The following KIF4B variants were observed in gnomAD, a reference collection of about 807,000 sequenced individuals.
KIF4B encodes the protein chromosome-associated kinesin KIF4B.
KIF4B carries 60 observed loss-of-function variants against 69.0 expected under a neutral mutation model. The ratio of observed to expected loss-of-function variants is 0.87; its 90% confidence interval spans 0.71 to 1.08. The LOEUF is 1.08. KIF4B is among the 50% of genes least tolerant of loss of function. The pLI, the probability that KIF4B is intolerant of heterozygous loss-of-function variation, is 0.00. For missense variants in KIF4B, 1,357 were observed against 1,451.9 expected (o/e 0.93, Z 1.06); for synonymous variants, 489 against 533.0 (o/e 0.92, Z 1.14).
chr5:155,013,928 G>A lies in KIF4B; in HGVS notation c.69G>A (p.Glu23=). 6.2e-7 allele frequency: 1 copy of A among 1,614,272 alleles called. No homozygotes were observed. Among genetic ancestry groups the A allele is most frequent in the Non-Finnish European group, 8.5e-7 (1 of 1,180,054 alleles). Residue 23 remains glutamate (E), a synonymous_variant, in exon 1 of 1, where the codon GAG becomes GAA. Transcript: ENST00000435029. ...GTTGTCGCCCTCTGGTCCCCAAAGA[G>A]ATTAGCGAGGGCTGCCAGATGTGCC... ...ALRCRPLVPK[E]ISEGCQMCLS... is the part of the protein sequence containing the mutation.
rs1269321936 is a variant in KIF4B, at chr5:155,015,180, G to A, written c.1321G>A (p.Val441Met). Residue 441 changes from valine to methionine, a missense_variant, in exon 1 of 1, where the codon GTG becomes ATG. Val to Met is a conservative substitution (Grantham distance 21). Transcript: ENST00000435029. ...CAAGCTAGAAGAGCTCAGGCAGCAT[G>A]TGGCCTGCAAGCTGGATCTTCAAAA... ...NAKLEELRQH[V>M]ACKLDLQKLV... 6.2e-7 allele frequency: 1 copy of A among 1,614,134 alleles called. No homozygotes were observed. Among genetic ancestry groups the A allele is most frequent in the Non-Finnish European group, 8.5e-7 (1 of 1,180,054 alleles).
rs747004901 is a variant in KIF4B, at chr5:155,016,628, G to A, written c.2769G>A (p.Met923Ile). ...AGTTACAAGCTGAGCTGGTCAGAAT[G>A]GAGCAACAGCACCAAGAGAAGGTGC... is the stretch of plus-strand genomic sequence containing the variant. ...ETELQAELVRMEQQHQEKVLY... is the reference protein window; with the variant it reads ...ETELQAELVRIEQQHQEKVLY... Residue 923 changes from methionine to isoleucine, a missense_variant, in exon 1 of 1, where the codon ATG becomes ATA. Physicochemically the swap from Met to Ile is conservative, Grantham distance 10 (BLOSUM62 1). Coordinates refer to ENST00000435029, the MANE Select transcript of KIF4B (RefSeq NM_001099293.3). The A allele has an allele frequency of 6.2e-7, 1 of 1,614,220 alleles. No individual in the cohort carries two copies. The highest frequency in any genetic ancestry group is 8.5e-7 in the Non-Finnish European group (1 of 1,180,042).
Position 155,015,032 on chromosome 5 carries a change from G to T in KIF4B, c.1173G>T (p.Lys391Asn). 1 of 1,614,154 alleles carries T rather than the reference G, an allele frequency of 6.2e-7. No individual in the cohort carries two copies. The change falls in exon 1 of 1, where the codon AAG becomes AAT. Residue 391 changes from lysine to asparagine, a missense_variant. Physicochemically the swap from Lys to Asn is moderately conservative, Grantham distance 94. Coordinates refer to ENST00000435029, the MANE Select transcript of KIF4B (RefSeq NM_001099293.3). Reference sequence around the variant, plus strand: ...AGAATCTACAATCCCTGATGGAGAAGAATCAGTCCCTGGTAGAGGAGAATG... The same window carrying T: ...AGAATCTACAATCCCTGATGGAGAATAATCAGTCCCTGGTAGAGGAGAATG... Reference protein sequence around the residue: ...PSENLQSLMEKNQSLVEENEK... With the variant: ...PSENLQSLMENNQSLVEENEK...
Position 155,017,125 on chromosome 5 carries a change from C to G in KIF4B, c.3266C>G (p.Ser1089Cys), listed in dbSNP as rs372409553. The G allele has an allele frequency of 6.2e-7, 1 of 1,613,984 alleles. No homozygotes were observed. The highest frequency in any genetic ancestry group is 8.5e-7 in the Non-Finnish European group (1 of 1,180,020). The change falls in exon 1 of 1, where the codon TCC becomes TGC. Residue 1089 changes from serine (S) to cysteine (C), a missense_variant. Physicochemically the swap from Ser to Cys is moderately radical, Grantham distance 112. Coordinates refer to ENST00000435029, the MANE Select transcript of KIF4B (RefSeq NM_001099293.3). ...TCCAGGAAGAACATCCAAGGGTGTTCCTGCAAGGGCTGGTGTGGGAACAAG... is the reference window on the plus strand; with the variant it reads ...TCCAGGAAGAACATCCAAGGGTGTTGCTGCAAGGGCTGGTGTGGGAACAAG... Reference protein sequence around the residue: ...KVSRKNIQGCSCKGWCGNKQC... With the variant: ...KVSRKNIQGCCCKGWCGNKQC...
rs867375438 is a variant in KIF4B, at chr5:155,015,088, C to T, written c.1229C>T (p.Ala410Val). The T allele has an allele frequency of 1.2e-6, 2 of 1,614,180 alleles. No homozygotes were observed. The highest frequency in any genetic ancestry group is 2.7e-5 in the African/African-American group (2 of 75,030). ...EKLSRCLSKA[A>V]GQTAQMLERI... is the part of the protein sequence containing the mutation. ...TTAAGTCGTTGTCTGAGCAAGGCAG[C>T]TGGTCAGACAGCCCAGATGTTGGAG... is the stretch of plus-strand genomic sequence containing the variant. Residue 410 changes from alanine (A) to valine (V), a missense_variant, in exon 1 of 1, where the codon GCT (alanine) becomes GTT (valine). Ala to Val is a moderately conservative substitution (Grantham distance 64, BLOSUM62 0). Transcript: ENST00000435029.
chr5:155,016,026 G>A lies in KIF4B; in HGVS notation c.2167G>A (p.Glu723Lys), dbSNP rs1281456261. Reference sequence around the variant, plus strand: ...CAAGGATGCTCTCCAGAAACAACGAGAGGTCACAGATAAGCGGAAAGAGAC... The same window carrying A: ...CAAGGATGCTCTCCAGAAACAACGAAAGGTCACAGATAAGCGGAAAGAGAC... The part of the protein sequence containing the change: ...RLKDALQKQR[E>K]VTDKRKETQS... Residue 723 changes from glutamate (E) to lysine (K), a missense_variant, in exon 1 of 1, where the codon GAG becomes AAG. Physicochemically the swap from Glu to Lys is moderately conservative, Grantham distance 56. Transcript: ENST00000435029. 1 of 1,614,164 alleles carries A rather than the reference G, an allele frequency of 6.2e-7. No homozygotes were observed. The highest frequency in any genetic ancestry group is 1.7e-5 in the Admixed American group (1 of 60,024).
Position 155,017,622 on chromosome 5 carries a change from C to T in KIF4B, c.*58C>T. 2.6e-6 allele frequency: 4 copies of T among 1,534,940 alleles called. No homozygotes were observed. In the South Asian group the frequency reaches 3.9e-5, roughly 15 times the overall value. On this transcript the variant is annotated 3_prime_UTR_variant, in exon 1 of 1. Coordinates refer to ENST00000435029, the MANE Select transcript of KIF4B (RefSeq NM_001099293.3). ...CTTGGGAGATGCTTTCCAGTTGCAG[C>T]CAGAAGGGGTTTTTTAAATGACTTC...
Position 155,014,902 on chromosome 5 carries a change from C to G in KIF4B, c.1043C>G (p.Thr348Arg), listed in dbSNP as rs769476664. Residue 348 changes from threonine (T) to arginine (R), a missense_variant, in exon 1 of 1, where the codon ACA becomes AGA. By Grantham distance (71) the Thr-to-Arg change is moderately conservative. Coordinates refer to ENST00000435029, the MANE Select transcript of KIF4B (RefSeq NM_001099293.3). ...CCTATTGTTAATATTGATCCCCACA[C>G]AGCTGAACTTAATCATCTAAAGCAA... is the stretch of plus-strand genomic sequence containing the variant. ...NKPIVNIDPH[T>R]AELNHLKQQV... The G allele has an allele frequency of 3.7e-6, 6 of 1,614,172 alleles. 1 individual carries two copies. Among genetic ancestry groups the G allele is most frequent in the Non-Finnish European group, 5.1e-6 (6 of 1,180,026 alleles).
rs781193252 is a variant in KIF4B, at chr5:155,013,842, C to T, written c.-18C>T. Reference sequence around the variant, plus strand: ...CGGGGAAGGGACATTTAGTTTGAGACGGTGCTGAGATAGGATCATGAAGGA... The same window carrying T: ...CGGGGAAGGGACATTTAGTTTGAGATGGTGCTGAGATAGGATCATGAAGGA... On this transcript the variant is annotated 5_prime_UTR_variant, in exon 1 of 1. The change creates a new upstream start codon in the 5' untranslated region. Coordinates refer to ENST00000435029, the MANE Select transcript of KIF4B (RefSeq NM_001099293.3). The T allele has an allele frequency of 3.7e-6, 6 of 1,611,418 alleles. No individual in the cohort carries two copies. The East Asian group carries it at 1.3e-4, about 36-fold the overall frequency.
chr5:155,018,116 T>G lies in KIF4B; in HGVS notation c.*552T>G, dbSNP rs17570361. 3,148 of 167,942 alleles carry G rather than the reference T, an allele frequency of 0.019. 40 individuals carry two copies. Among genetic ancestry groups the G allele is most frequent in the East Asian group, 0.026 (133 of 5,200 alleles). The allele number at this position is 167,942 out of a possible 1,614,324, so 10.4% of individuals were successfully genotyped here. A position where few individuals can be genotyped will look rare whatever the true frequency, so the allele number is the denominator to read the frequency against. ...TTTTTAAATGTTAAGTAAATAAACC[T>G]TAGCCCATCTACTGTTAAAAAAAAA... On this transcript the variant is annotated 3_prime_UTR_variant, in exon 1 of 1. Coordinates refer to ENST00000435029, the MANE Select transcript of KIF4B (RefSeq NM_001099293.3).
Position 155,015,326 on chromosome 5 carries a change from T to G in KIF4B, c.1467T>G (p.Asp489Glu), listed in dbSNP as rs776561752. Residue 489 changes from aspartate to glutamate, a missense_variant, in exon 1 of 1, where the codon GAT becomes GAG. By Grantham distance (45) the Asp-to-Glu change is conservative. Coordinates refer to ENST00000435029, the MANE Select transcript of KIF4B (RefSeq NM_001099293.3). The part of the protein sequence containing the change: ...ETVACTAAAI[D>E]TAVEEEAQVE... Reference sequence around the variant, plus strand: ...TTGCTTGCACGGCTGCAGCCATTGATACTGCGGTAGAAGAAGAAGCTCAAG... The same window carrying G: ...TTGCTTGCACGGCTGCAGCCATTGAGACTGCGGTAGAAGAAGAAGCTCAAG... The G allele has an allele frequency of 1.9e-6, 3 of 1,614,226 alleles. No homozygotes were observed. Among genetic ancestry groups the G allele is most frequent in the Non-Finnish European group, 2.5e-6 (3 of 1,180,042 alleles).
chr5:155,016,725 G>C lies in KIF4B; in HGVS notation c.2866G>C (p.Glu956Gln), dbSNP rs748047726. 10 of 1,614,048 alleles carry C rather than the reference G, an allele frequency of 6.2e-6. No homozygotes were observed. The highest frequency in any genetic ancestry group is 1.1e-5 in the South Asian group (1 of 91,078). ...GTTAGAGAAATCAGCCAGTGAAAAG[G>C]AACAACAGCTGGTGAGCACACTGCA... is the stretch of plus-strand genomic sequence containing the variant. ...KQLEKSASEK[E>Q]QQLVSTLQCQ... Residue 956 changes from glutamate to glutamine, a missense_variant, in exon 1 of 1, where the codon GAA becomes CAA. Physicochemically the swap from Glu to Gln is conservative, Grantham distance 29. Transcript: ENST00000435029.
Position 155,014,367 on chromosome 5 carries a change from G to C in KIF4B, c.508G>C (p.Gly170Arg). The stretch of plus-strand genomic sequence containing the variant: ...AAATATACGGGAGGATCCTAAGGAA[G>C]GCATAAAGATTGTGGGACTCACTGA... ...QINIREDPKE[G>R]IKIVGLTEKT... is the part of the protein sequence containing the mutation. The change falls in exon 1 of 1, where the codon GGC becomes CGC. Residue 170 changes from glycine (G) to arginine (R), a missense_variant. By Grantham distance (125) the Gly-to-Arg change is moderately radical (BLOSUM62 -2). Transcript: ENST00000435029. The C allele has an allele frequency of 1.9e-6, 3 of 1,614,200 alleles. No individual in the cohort carries two copies. The highest frequency in any genetic ancestry group is 2.5e-6 in the Non-Finnish European group (3 of 1,180,036).
rs1200863946 is a variant in KIF4B, at chr5:155,016,416, T to C, written c.2557T>C (p.Cys853Arg). 6.2e-7 allele frequency: 1 copy of C among 1,614,068 alleles called. No individual in the cohort carries two copies. Among genetic ancestry groups the C allele is most frequent in the Admixed American group, 1.7e-5 (1 of 60,006 alleles). ...AGAAAGTGAAGATAGGCCAAAACAA[T>C]GCTGGGAGAATATTGCCACCATTCT... ...DAESEDRPKQ[C>R]WENIATILEA... Residue 853 changes from cysteine (C) to arginine (R), a missense_variant, in exon 1 of 1, where the codon TGC (cysteine) becomes CGC (arginine). Transcript: ENST00000435029.
rs770525747 is a variant in KIF4B at position 155,013,887 on chromosome 5, G to GT, written c.29dup (p.Arg11LysfsTer15). 2 of 1,613,938 alleles carry GT rather than the reference G, an allele frequency of 1.2e-6. No homozygotes were observed. The highest frequency in any genetic ancestry group is 1.1e-5 in the South Asian group (1 of 91,062). On this transcript the variant is annotated frameshift_variant, in exon 1 of 1. Coordinates refer to ENST00000435029, the MANE Select transcript of KIF4B (RefSeq NM_001099293.3). LOFTEE classifies it high-confidence loss of function. ...GAAGGAAGAGGTGAAGGGAATTCCT[G>GT]TAAGAGTGGCACTGCGTTGTCGCCC...
Position 155,015,892 on chromosome 5 carries a change from G to C in KIF4B, c.2033G>C (p.Arg678Pro). The C allele has an allele frequency of 6.2e-7, 1 of 1,614,222 alleles. No individual in the cohort carries two copies. ...KDKEVIQLKE[R>P]DRKRQYELLK... ...AAAGAAGTAATACAGTTGAAAGAACGAGACCGTAAGAGGCAATATGAGCTG... is the reference window on the plus strand; with the variant it reads ...AAAGAAGTAATACAGTTGAAAGAACCAGACCGTAAGAGGCAATATGAGCTG... The change falls in exon 1 of 1, where the codon CGA becomes CCA. Residue 678 changes from arginine to proline, a missense_variant. Arg to Pro is a moderately radical substitution (Grantham distance 103). Transcript: ENST00000435029.
chr5:155,014,801 T>C lies in KIF4B; in HGVS notation c.942T>C (p.Ser314=). The change falls in exon 1 of 1, where the codon AGT becomes AGC. Residue 314 remains serine (S), a synonymous_variant. Coordinates refer to ENST00000435029, the MANE Select transcript of KIF4B (RefSeq NM_001099293.3). ...ACACTCTTATGATAGCCTGTGTGAGTCCTGCTGACTCCAATCTAGAGGAAA... is the reference window on the plus strand; with the variant it reads ...ACACTCTTATGATAGCCTGTGTGAGCCCTGCTGACTCCAATCTAGAGGAAA... ...NSHTLMIACV[S]PADSNLEETL... is the part of the protein sequence containing the mutation. 6.2e-7 allele frequency: 1 copy of C among 1,614,088 alleles called. No homozygotes were observed. The highest frequency in any genetic ancestry group is 8.5e-7 in the Non-Finnish European group (1 of 1,180,016).
rs751003179 is a variant in KIF4B at position 155,016,252 on chromosome 5, G to A, written c.2393G>A (p.Cys798Tyr). Residue 798 changes from cysteine to tyrosine, a missense_variant, in exon 1 of 1, where the codon TGT becomes TAT. Transcript: ENST00000435029. ...AATCCACCTCCTAAACTCCGGAAGTGTACATTCTCCCTTTCTGAGGTGCAT... is the reference window on the plus strand; with the variant it reads ...AATCCACCTCCTAAACTCCGGAAGTATACATTCTCCCTTTCTGAGGTGCAT... Reference protein sequence around the residue: ...RENPPPKLRKCTFSLSEVHGQ... With the variant: ...RENPPPKLRKYTFSLSEVHGQ... 81 of 1,614,044 alleles carry A rather than the reference G, an allele frequency of 5.0e-5. No homozygotes were observed. The South Asian group carries it at 8.1e-4, about 16-fold the overall frequency.
In KIF4B at chr5:155,014,574, G is replaced by A. The variant is rs747207581; in HGVS notation, c.715G>A (p.Val239Ile). The A allele has an allele frequency of 6.2e-6, 10 of 1,614,158 alleles. No individual in the cohort carries two copies. The East Asian group carries it at 2.2e-4, about 36-fold the overall frequency. Residue 239 changes from valine to isoleucine, a missense_variant, in exon 1 of 1, where the codon GTA becomes ATA. Coordinates refer to ENST00000435029, the MANE Select transcript of KIF4B (RefSeq NM_001099293.3). ...CAGCTTTCGCTCCAAGCTGCATCTTGTAGATCTCGCTGGATCAGAAAGACA... is the reference window on the plus strand; with the variant it reads ...CAGCTTTCGCTCCAAGCTGCATCTTATAGATCTCGCTGGATCAGAAAGACA... ...NCSFRSKLHL[V>I]DLAGSERQKK...
Sources: gnomAD v4.1 joint callset for allele counts on GRCh38, gnomAD v4.1.1 for gene constraint, MANE v1.5 for transcripts, NCBI Gene and HGNC (gene_info 2026-07-23, HGNC 2026-07-21) for gene names.